The following FAM174B variants were observed in gnomAD, a reference collection of about 807,000 sequenced individuals.
FAM174B encodes the protein family with sequence similarity 174 member B.
In FAM174B, 12 loss-of-function variants were observed where a neutral mutation model predicts 10.9. The ratio of observed to expected loss-of-function variants is 1.10; its 90% CI spans 0.71 to 1.79. The LOEUF (loss-of-function observed/expected upper bound fraction) is 1.79, where lower values mean the gene tolerates loss of function less well. FAM174B is among the 40% of genes most tolerant of loss of function. The pLI is 0.00. For synonymous variants in FAM174B, 132 were observed against 115.8 expected (o/e 1.14, Z -0.90); for missense variants, 266 against 233.3 (o/e 1.14, Z -0.91).
At position 92,618,322 on chromosome 15, in the gene FAM174B, C is replaced by T. The variant is rs2050693295; in HGVS notation, c.*1134G>A. The T allele has an allele frequency of 6.5e-6, 1 of 152,850 alleles. No homozygotes were observed. The highest frequency in any genetic ancestry group is 2.4e-5 in the African/African-American group (1 of 41,456). 9.5% of individuals were successfully genotyped at this position (152,850 alleles called of 1,614,324 possible). On this transcript the variant is annotated 3_prime_UTR_variant, in exon 3 of 3. Coordinates refer to ENST00000327355, the MANE Select transcript of FAM174B (RefSeq NM_207446.3). ...CCTCAATCAACCTGAGAAGTCAGCCCAAGGCCCTGTCTCCAGAAGCCAGCA... is the reference window on the plus strand; with the variant it reads ...CCTCAATCAACCTGAGAAGTCAGCCTAAGGCCCTGTCTCCAGAAGCCAGCA...
Position 92,619,361 on chromosome 15 carries a change from C to T in FAM174B, c.*95G>A, listed in dbSNP as rs1333394038. ...ATAACGTTCGTTTTGGTTTCAACACCTCCGACGCAAGAGGGCTTCCAGGTC... is the reference window on the plus strand; with the variant it reads ...ATAACGTTCGTTTTGGTTTCAACACTTCCGACGCAAGAGGGCTTCCAGGTC... On this transcript the variant is annotated 3_prime_UTR_variant, in exon 3 of 3. Coordinates refer to ENST00000327355, the MANE Select transcript of FAM174B (RefSeq NM_207446.3). 6.7e-7 allele frequency: 1 copy of T among 1,484,848 alleles called. No individual in the cohort carries two copies. The highest frequency in any genetic ancestry group is 9.4e-7 in the Non-Finnish European group (1 of 1,064,306). 92.0% of individuals were successfully genotyped at this position (1,484,848 alleles called of 1,614,324 possible).
chr15:92,653,960 AGGCCAGTG>A (rs1429993736), intron 1 of FAM174B, among the ~76,000 whole-genome samples: 1 of 152,208 alleles, frequency 6.6e-6, no homozygotes, highest in Non-Finnish European at 1.5e-5. Context: ...CAGAGGATTG[AGGCCAGTG>A]GGTAGAGTGG....
At position 92,630,874 on chromosome 15, in the gene FAM174B, A is replaced by G. The variant is rs188113271; in HGVS notation, c.345-529T>C. The stretch of plus-strand genomic sequence containing the variant: ...TTACATGTTACATATTACATATTAT[A>G]TATTATATATTACGTATTACATATT... On this transcript the variant is annotated intron_variant, in intron 1 of 2. Coordinates refer to ENST00000327355, the MANE Select transcript of FAM174B (RefSeq NM_207446.3). Among the ~76,000 whole-genome samples the G allele has an allele frequency of 4.1e-3, 200 of 48,770 alleles. No individual in the cohort carries two copies. In the Middle Eastern group the frequency reaches 0.065, roughly 16 times the overall value. 32.0% of individuals were successfully genotyped at this position (48,770 alleles called of 152,430 possible).
chr15:92,617,826 C>T lies in FAM174B; in HGVS notation c.*1630G>A, dbSNP rs944092307. Reference sequence around the variant, plus strand: ...ATGGGGGAAAACAGAGAAGGAAAGTCAACAAAGAAGGTGAAATGCAGGGAG... The same window carrying T: ...ATGGGGGAAAACAGAGAAGGAAAGTTAACAAAGAAGGTGAAATGCAGGGAG... On this transcript the variant is annotated 3_prime_UTR_variant, in exon 3 of 3. Transcript: ENST00000327355. 6.0e-6 allele frequency: 3 copies of T among 500,230 alleles called. No homozygotes were observed. The highest frequency in any genetic ancestry group is 4.0e-5 in the African/African-American group (2 of 49,740). The allele number at this position is 500,230 out of a possible 1,614,324, so 31.0% of individuals were successfully genotyped here.
chr15:92,626,631 G>A (rs933697364), intron 2 of FAM174B, among the ~76,000 whole-genome samples: 3 of 152,086 alleles, frequency 2.0e-5, no homozygotes, highest in Non-Finnish European at 4.4e-5. Flanking sequence ...GGTTCTTTAC[G>A]GCCGATGGTC....
At chr15:92,648,871 T>C (rs925572535) in intron 1 of FAM174B, among the ~76,000 whole-genome samples, 2 of 152,252 alleles carry the variant, frequency 1.3e-5, no homozygotes, top group Non-Finnish European at 2.9e-5. Context: ...AGATTAAGTA[T>C]AGTTTATTTT....
chr15:92,635,746 A>T (rs1467788650), intron 1 of FAM174B, among the ~76,000 whole-genome samples: 2 of 151,756 alleles, frequency 1.3e-5, no homozygotes, highest in African/African-American at 2.4e-5. Context: ...ATGCCCAGCT[A>T]ATTTTTGGAT....
Position 92,619,391 on chromosome 15 carries a change from CCTT to C in FAM174B, c.*62_*64del. 18 of 1,606,212 alleles carry C rather than the reference CCTT, an allele frequency of 1.1e-5. No homozygotes were observed. Among genetic ancestry groups the C allele is most frequent in the Non-Finnish European group, 1.5e-5 (18 of 1,172,954 alleles). On this transcript the variant is annotated 3_prime_UTR_variant, in exon 3 of 3. Coordinates refer to ENST00000327355, the MANE Select transcript of FAM174B (RefSeq NM_207446.3). ...ACGCAAGAGGGCTTCCAGGTCCAGTCCTTCACACCCCAGGTTGCAGCTGACCAA... is the reference window on the plus strand; with the variant it reads ...ACGCAAGAGGGCTTCCAGGTCCAGTCCACACCCCAGGTTGCAGCTGACCAA...
intron 1 of FAM174B, among the ~76,000 whole-genome samples, chr15:92,633,807 C>T (rs1022086989): frequency 6.6e-6 from 1 of 152,132 alleles, no homozygotes; most frequent in Non-Finnish European, 1.5e-5. Flanking sequence ...TTCTCTCCAC[C>T]TCCCTCCAAA....
At chr15:92,633,636 A>C (rs1328015363) in intron 1 of FAM174B, among the ~76,000 whole-genome samples, 2 of 152,168 alleles carry the variant, frequency 1.3e-5, no homozygotes, top group Non-Finnish European at 2.9e-5. Flanking sequence ...AGCATGGTGC[A>C]AATGCCAAGC....
At chr15:92,627,063 A>C (rs1055481135) in intron 2 of FAM174B, 6 of 152,314 alleles carry the variant, frequency 3.9e-5, no homozygotes, top group African/African-American at 1.4e-4. Context: ...AAAAAAACAA[A>C]AAAACAAAAA....
chr15:92,655,622 A>G lies in FAM174B; in HGVS notation c.38T>C (p.Leu13Pro), dbSNP rs897272189. ...AVPLPAPLLP[L>P]LLLALLAAPA... The stretch of plus-strand genomic sequence containing the variant: ...AGCGGCCAGGAGCGCGAGCAGCAGC[A>G]GCGGCAGGAGCGGGGCGGGCAGCGG... The change falls in exon 1 of 3, where the codon CTG (leucine) becomes CCG (proline). Residue 13 changes from leucine to proline, a missense_variant. By Grantham distance (98) the Leu-to-Pro change is moderately conservative (BLOSUM62 -3). Coordinates refer to ENST00000327355, the MANE Select transcript of FAM174B (RefSeq NM_207446.3). The G allele has an allele frequency of 4.0e-6, 5 of 1,260,488 alleles. No homozygotes were observed. In the African/African-American group the frequency reaches 4.7e-5, roughly 12 times the overall value. The allele number at this position is 1,260,488 out of a possible 1,614,324, so 78.1% of individuals were successfully genotyped here.
intron 1 of FAM174B, among the ~76,000 whole-genome samples, chr15:92,640,942 G>A (rs1325630437): frequency 6.6e-6 from 1 of 152,002 alleles, no homozygotes; most frequent in Admixed American, 6.6e-5. Context: ...ACCGCGCCTG[G>A]CTAACATATT....
intron 1 of FAM174B, among the ~76,000 whole-genome samples, chr15:92,650,662 T>G (rs572926430): frequency 6.6e-6 from 1 of 152,318 alleles, no homozygotes; most frequent in South Asian, 2.1e-4. Context: ...TGAGTGAATG[T>G]AGGGGGCAAA....
intron 2 of FAM174B, among the ~76,000 whole-genome samples, chr15:92,628,460 A>AT (rs2050768671): frequency 6.7e-6 from 1 of 149,888 alleles, no homozygotes; most frequent in African/African-American, 2.5e-5. Flanking sequence ...GACTACACGC[A>AT]TGAGCCACCA....
chr15:92,632,493 G>T (rs535534452), intron 1 of FAM174B, among the ~76,000 whole-genome samples: 1 of 152,252 alleles, frequency 6.6e-6, no homozygotes, highest in East Asian at 1.9e-4. Flanking sequence ...CTCCAGCCTG[G>T]GTGACAGAGT....
At chr15:92,622,041 T>A (rs1413546683) in intron 2 of FAM174B, among the ~76,000 whole-genome samples, 8 of 152,210 alleles carry the variant, frequency 5.3e-5, no homozygotes, top group African/African-American at 1.9e-4. Flanking sequence ...AGAGCAGATC[T>A]GGCCACGGCA....
chr15:92,637,348 G>A (rs955250048), intron 1 of FAM174B, among the ~76,000 whole-genome samples: 5 of 152,262 alleles, frequency 3.3e-5, no homozygotes, highest in African/African-American at 1.2e-4. Context: ...AGATTGGAAA[G>A]AGAGAGACCA....
intron 2 of FAM174B, among the ~76,000 whole-genome samples, chr15:92,625,078 G>A (rs917674628): frequency 1.3e-5 from 2 of 152,166 alleles, no homozygotes; most frequent in Non-Finnish European, 2.9e-5. Context: ...TTGTACTCTG[G>A]TTAGCTATCA....
Sources: allele counts gnomAD v4.1 joint callset (sites outside exome capture counted in the v4.1 genomes callset), GRCh38; gene constraint gnomAD v4.1.1; transcripts MANE v1.5; gene names NCBI Gene and HGNC (gene_info 2026-07-23, HGNC 2026-07-21).